CEP70: variants seen among roughly 807,000 people sequenced by gnomAD.
CEP70 encodes the protein centrosomal protein 70.
A neutral mutation model predicts 90.9 loss-of-function variants in CEP70; 70 were observed. The observed-to-expected ratio is 0.77, with a 90% CI of 0.64 to 0.94. CEP70 has a LOEUF of 0.94. Ranked by LOEUF, CEP70 falls within the 40% of genes least tolerant of loss-of-function variation. The pLI, the probability that CEP70 is intolerant of heterozygous loss-of-function variation, is 0.00. For missense variants in CEP70, 648 were observed against 669.0 expected, an observed-to-expected ratio of 0.97 and a Z score of 0.35; for synonymous variants, 220 against 228.3, an observed-to-expected ratio of 0.96 and a Z score of 0.33.
At chr3:138,572,369 C>G (rs1219155528) in intron 3 of CEP70, among the ~76,000 whole-genome samples, 1 of 152,226 alleles carries the variant, frequency 6.6e-6, no homozygotes, top group East Asian at 1.9e-4. Context: ...AGTTTAACTA[C>G]GTGGTAGACA....
Position 138,500,840 on chromosome 3 carries a change from T to C in CEP70, c.1263A>G (p.Val421=), listed in dbSNP as rs1381545588. 1 of 1,605,122 alleles carries C rather than the reference T, an allele frequency of 6.2e-7. No individual in the cohort carries two copies. The highest frequency in any genetic ancestry group is 1.1e-5 in the South Asian group (1 of 90,082). The change falls in exon 14 of 18, where the codon GTA becomes GTG. Residue 421 remains valine (V), a synonymous_variant. Coordinates refer to ENST00000264982, the MANE Select transcript of CEP70 (RefSeq NM_024491.4). ...CCTGCTTCTTCAAATTAAGCCAAGG[T>C]ACCAGTTCTGCAGATAGTGTTTTCA... ...KSLKTLSAEL[V]PWLNLKKQDE...
At chr3:138,570,977 C>A in intron 5 of CEP70, 57 bp downstream of exon 5, 3 of 1,340,290 alleles carry the variant, frequency 2.2e-6, no homozygotes, top group Non-Finnish European at 3.0e-6. Context: ...TTTTTCAAGG[C>A]AGTTATTTTT....
chr3:138,568,481 A>G (rs573615281), intron 6 of CEP70, among the ~76,000 whole-genome samples: 1 of 152,316 alleles, frequency 6.6e-6, no homozygotes, highest in East Asian at 1.9e-4. Flanking sequence ...TCACTCAGCC[A>G]AAGACCTGGC....
intron 6 of CEP70, among the ~76,000 whole-genome samples, chr3:138,569,940 G>A (rs1346330577): frequency 6.6e-6 from 1 of 152,200 alleles, no homozygotes; most frequent in Non-Finnish European, 1.5e-5. Flanking sequence ...CAAGTAGGCA[G>A]CTGGATATGA....
At chr3:138,578,283 C>T (rs1232714536) in intron 2 of CEP70, among the ~76,000 whole-genome samples, 3 of 152,164 alleles carry the variant, frequency 2.0e-5, no homozygotes, top group Middle Eastern at 3.4e-3. Context: ...AAACCACTAA[C>T]GGCCATAAAA....
chr3:138,554,200 G>C (rs903692602), intron 6 of CEP70, among the ~76,000 whole-genome samples: 1 of 131,512 alleles, frequency 7.6e-6, no homozygotes, highest in African/African-American at 2.7e-5. Flanking sequence ...GACTCCATAT[G>C]AAAAAAAAAA....
At chr3:138,499,835 A>AT in intron 16 of CEP70, 1 of 304,744 alleles carries the variant, frequency 3.3e-6, no homozygotes, top group South Asian at 4.4e-5. Flanking sequence ...GCGTGTGCTT[A>AT]CAGTCACACA....
At chr3:138,562,551 A>G (rs529028608) in intron 6 of CEP70, among the ~76,000 whole-genome samples, 21 of 152,338 alleles carry the variant, frequency 1.4e-4, no homozygotes, top group African/African-American at 5.1e-4. Flanking sequence ...GTGGGGGCCA[A>G]TATTCAACAT....
chr3:138,591,893 C>T lies in CEP70; in HGVS notation c.-45G>A. 1 of 1,495,598 alleles carries T rather than the reference C, an allele frequency of 6.7e-7. No individual in the cohort carries two copies. Among genetic ancestry groups the T allele is most frequent in the Non-Finnish European group, 8.9e-7 (1 of 1,124,320 alleles). 92.6% of individuals were successfully genotyped at this position (1,495,598 alleles called of 1,614,324 possible). ...ATTACTCTTGCACTTTACACCTGGT[C>T]ATTCAGGTTGATCTCAATGAAATGA... is the stretch of plus-strand genomic sequence containing the variant. On this transcript the variant is annotated 5_prime_UTR_variant, in exon 2 of 18. An upstream start codon of the reference 5' UTR is lost. Transcript: ENST00000264982.
chr3:138,532,544 T>C lies in CEP70; in HGVS notation c.662A>G (p.Glu221Gly). ...TGTATGAATTTTTCTAATTTTAGAT[T>C]CATAGTAATCAATTAGACAAAGCAA... The part of the protein sequence containing the change: ...RQLLCLIDYY[E>G]SKIRKIHTQR... Residue 221 changes from glutamate (E) to glycine (G), a missense_variant, in exon 8 of 18, where the codon GAA (glutamate) becomes GGA (glycine). Transcript: ENST00000264982. 3 of 1,509,472 alleles carry C rather than the reference T, an allele frequency of 2.0e-6. No homozygotes were observed. Among genetic ancestry groups the C allele is most frequent in the Non-Finnish European group, 2.7e-6 (3 of 1,128,112 alleles). The allele number at this position is 1,509,472 out of a possible 1,614,324, so 93.5% of individuals were successfully genotyped here.
chr3:138,510,262 A>AG (rs2035399969), intron 11 of CEP70, among the ~76,000 whole-genome samples: 1 of 151,712 alleles, frequency 6.6e-6, no homozygotes. Flanking sequence ...AAAAAAAAAA[A>AG]AAAGAAAAAC....
At chr3:138,513,928 T>C (rs1027376926) in intron 11 of CEP70, among the ~76,000 whole-genome samples, 8 of 151,446 alleles carry the variant, frequency 5.3e-5, no homozygotes, top group Non-Finnish European at 8.8e-5. Flanking sequence ...TTATTTGACA[T>C]TGAAAGTTGG....
chr3:138,547,985 T>C (rs1412590459), intron 6 of CEP70, among the ~76,000 whole-genome samples: 1 of 152,184 alleles, frequency 6.6e-6, no homozygotes, highest in African/African-American at 2.4e-5. Flanking sequence ...GGGGAACTAC[T>C]GTATACAAAA....
At chr3:138,582,986 C>T (rs1291870625) in intron 2 of CEP70, among the ~76,000 whole-genome samples, 10 of 152,018 alleles carry the variant, frequency 6.6e-5, no homozygotes, top group Non-Finnish European at 1.2e-4. Context: ...AACAAAATGA[C>T]AGTAGTAAGT....
In CEP70 at chr3:138,498,033, A is replaced by G; in HGVS notation, c.1730T>C (p.Leu577Ser). 1.2e-6 allele frequency: 2 copies of G among 1,612,374 alleles called. No homozygotes were observed. Among genetic ancestry groups the G allele is most frequent in the Non-Finnish European group, 1.7e-6 (2 of 1,179,384 alleles). Residue 577 changes from leucine (L) to serine (S), a missense_variant and splice_region_variant, in exon 17 of 18, where the codon TTA (leucine) becomes TCA (serine). Transcript: ENST00000264982. ...QAFTNDLLEI[L>S]EIDDLDAIVP... ...ACCATCACCACCAGAGATCTTACCT[A>G]AGATTTCAAGTAGATCATTAGTAAA...
intron 11 of CEP70, among the ~76,000 whole-genome samples, chr3:138,522,462 T>C (rs1460178979): frequency 4.6e-5 from 7 of 151,750 alleles, no homozygotes; most frequent in East Asian, 3.9e-4. Flanking sequence ...ATCAACAAAA[T>C]TGATAGACCA....
At chr3:138,507,733 T>C (rs1332869577) in intron 12 of CEP70, among the ~76,000 whole-genome samples, 1 of 152,166 alleles carries the variant, frequency 6.6e-6, no homozygotes, top group African/African-American at 2.4e-5. Flanking sequence ...CTGCTAACTA[T>C]AGAACACATG....
intron 11 of CEP70, among the ~76,000 whole-genome samples, chr3:138,519,659 T>C (rs200734851): frequency 5.3e-5 from 8 of 152,130 alleles, no homozygotes; most frequent in African/African-American, 9.6e-5. Flanking sequence ...ACCAGGCCTG[T>C]CCTACAAGAG....
intron 11 of CEP70, among the ~76,000 whole-genome samples, chr3:138,519,761 G>T (rs1281227855): frequency 6.6e-6 from 1 of 152,192 alleles, no homozygotes; most frequent in Non-Finnish European, 1.5e-5. Context: ...AGGCTAGGAA[G>T]AAACTGCATC....
Sources: gnomAD v4.1 joint callset for allele counts (sites outside exome capture counted in the v4.1 genomes callset) on GRCh38, gnomAD v4.1.1 for gene constraint, MANE v1.5 for transcripts, NCBI Gene and HGNC (gene_info 2026-07-23, HGNC 2026-07-21) for gene names.